The following ZFR variants were observed in gnomAD, a reference collection of about 807,000 sequenced individuals.
ZFR encodes the protein zinc finger RNA binding protein.
A neutral mutation model predicts 130.7 loss-of-function variants in ZFR; 19 were observed. That is an observed-to-expected ratio of 0.15 (90% CI 0.10 to 0.21). ZFR has a LOEUF of 0.21. Ranked by LOEUF, ZFR falls within the 10% of genes least tolerant of loss-of-function variation. The probability of loss-of-function intolerance (pLI) is 1.00; values close to 1 mark genes in which losing one functional copy is unlikely to be tolerated. For missense variants in ZFR, 872 were observed against 1,321.5 expected, an observed-to-expected ratio of 0.66 and a Z score of 5.27; for synonymous variants, 466 against 456.9, an observed-to-expected ratio of 1.02 and a Z score of -0.25.
At position 32,429,323 on chromosome 5, in the gene ZFR, T is replaced by A. The variant is rs774773842; in HGVS notation, c.138-9220A>T. ...TTTTAAGGGAGAACTGTAAGGAAAC[T>A]TTTTCCTATATCAGTCTTGCTCTGG... On this transcript the variant is annotated intron_variant, in intron 2 of 19. Coordinates refer to ENST00000265069, the MANE Select transcript of ZFR (RefSeq NM_016107.5). Among the ~76,000 whole-genome samples, 5 of 152,064 alleles carry A rather than the reference T, an allele frequency of 3.3e-5. No individual in the cohort carries two copies. In the East Asian group the frequency reaches 7.7e-4, roughly 23 times the overall value.
chr5:32,405,521 G>A (rs1438185475), intron 6 of ZFR, among the ~76,000 whole-genome samples: 5 of 152,062 alleles, frequency 3.3e-5, no homozygotes, highest in Non-Finnish European at 7.4e-5. Flanking sequence ...CATTCCACAT[G>A]CTGCTGTTAA....
intron 5 of ZFR, among the ~76,000 whole-genome samples, chr5:32,413,734 G>A (rs1393122659): frequency 2.0e-5 from 3 of 152,116 alleles, no homozygotes; most frequent in African/African-American, 7.2e-5. Flanking sequence ...ATTATAGCTA[G>A]TCAACCAAAT....
intron 15 of ZFR, among the ~76,000 whole-genome samples, chr5:32,384,221 C>T (rs1752988881): frequency 6.6e-6 from 1 of 151,368 alleles, no homozygotes; most frequent in Non-Finnish European, 1.5e-5. Context: ...TATCAAATCC[C>T]ATATGCTGTA....
chr5:32,366,323 G>T (rs1421056087), intron 17 of ZFR, among the ~76,000 whole-genome samples: 3 of 152,186 alleles, frequency 2.0e-5, no homozygotes, highest in African/African-American at 7.2e-5. Context: ...TGAGAAAAGT[G>T]AGCATTAAGT....
intron 6 of ZFR, 70 bp from the exon 7 acceptor site, chr5:32,404,167 A>G: frequency 2.2e-6 from 3 of 1,382,888 alleles, no homozygotes; most frequent in Non-Finnish European, 2.9e-6. Flanking sequence ...TTCAATTCTC[A>G]AGAAATCTCT....
chr5:32,392,477 C>T lies in ZFR; in HGVS notation c.1980-2040G>A, dbSNP rs577313127. On this transcript the variant is annotated intron_variant, in intron 11 of 19. Transcript: ENST00000265069. ...TAAAAAGGATTATTAATAATAACAA[C>T]GTAAGAAACGTCTGTACAAATCAAC... Among the ~76,000 whole-genome samples, 5 of 152,200 alleles carry T rather than the reference C, an allele frequency of 3.3e-5. No homozygotes were observed. In the East Asian group the frequency reaches 7.7e-4, roughly 23 times the overall value.
At chr5:32,439,004 A>G (rs1754401194) in intron 2 of ZFR, among the ~76,000 whole-genome samples, 2 of 152,224 alleles carry the variant, frequency 1.3e-5, no homozygotes, top group African/African-American at 4.8e-5. Context: ...TTTTGTTCAT[A>G]GTGTACTATA....
chr5:32,363,916 C>CA, intron 19 of ZFR, 32 bp downstream of exon 19: 1 of 1,573,660 alleles, frequency 6.4e-7, no homozygotes, highest in Non-Finnish European at 8.7e-7. Context: ...TGGAGTAACC[C>CA]AATAGGGCTC....
intron 17 of ZFR, 43 bp downstream of exon 17, chr5:32,379,072 A>T: frequency 1.4e-6 from 2 of 1,416,930 alleles, no homozygotes; most frequent in East Asian, 4.6e-5. Flanking sequence ...CTGCAGAATT[A>T]TTTCCTACAT....
At chr5:32,442,389 G>A (rs388381) in intron 2 of ZFR, among the ~76,000 whole-genome samples, 145,202 of 152,304 alleles carry the variant, frequency 0.95, 69,276 homozygotes, top group African/African-American at 0.98. Flanking sequence ...TATATAATTA[G>A]TCCACGTAAC....
chr5:32,437,097 G>C (rs952999043), intron 2 of ZFR, among the ~76,000 whole-genome samples: 1 of 152,182 alleles, frequency 6.6e-6, no homozygotes, highest in Non-Finnish European at 1.5e-5. Context: ...CCAGATATTT[G>C]TCTTGGCTCA....
chr5:32,378,996 A>T, intron 17 of ZFR, 119 bp downstream of exon 17: 1 of 708,136 alleles, frequency 1.4e-6, no homozygotes, highest in Non-Finnish European at 2.2e-6. Context: ...TTCATCAGAA[A>T]AGAAAAACTA....
chr5:32,415,523 C>CGCGCGTGT (rs1554073622), intron 4 of ZFR, among the ~76,000 whole-genome samples: 2 of 132,036 alleles, frequency 1.5e-5, no homozygotes, highest in South Asian at 2.5e-4. Context: ...TGTGCGCGCG[C>CGCGCGTGT]GCGCGCGCGC....
intron 17 of ZFR, among the ~76,000 whole-genome samples, chr5:32,371,647 C>T (rs899483854): frequency 1.3e-5 from 2 of 152,016 alleles, no homozygotes; most frequent in Non-Finnish European, 2.9e-5. Flanking sequence ...CTCCATCTGA[C>T]CATCTTCTAT....
chr5:32,373,751 T>C (rs1484213971), intron 17 of ZFR, among the ~76,000 whole-genome samples: 1 of 152,178 alleles, frequency 6.6e-6, no homozygotes, highest in African/African-American at 2.4e-5. Flanking sequence ...AATGTCAAAA[T>C]ACTGACATTT....
At chr5:32,357,288 CAG>C (rs1232003840) in intron 19 of ZFR, among the ~76,000 whole-genome samples, 1 of 152,184 alleles carries the variant, frequency 6.6e-6, no homozygotes, top group South Asian at 2.1e-4. Flanking sequence ...TTTTTTGAGA[CAG>C]AGTCTTGCTC....
intron 2 of ZFR, among the ~76,000 whole-genome samples, chr5:32,435,762 A>C (rs1168080706): frequency 1.3e-5 from 2 of 152,212 alleles, no homozygotes; most frequent in Non-Finnish European, 1.5e-5. Context: ...TTTTCCCAGA[A>C]ATATGAATTC....
At chr5:32,411,552 G>A (rs1466516883) in intron 5 of ZFR, among the ~76,000 whole-genome samples, 2 of 151,768 alleles carry the variant, frequency 1.3e-5, no homozygotes, top group Non-Finnish European at 2.9e-5. Flanking sequence ...AGCCAGGTAT[G>A]GTGGTACACG....
At chr5:32,409,701 T>A (rs187302006) in intron 5 of ZFR, among the ~76,000 whole-genome samples, 1 of 152,340 alleles carries the variant, frequency 6.6e-6, no homozygotes, top group Non-Finnish European at 1.5e-5. Context: ...CCACCGCACC[T>A]GCATCCGAAT....
Sources: gnomAD v4.1 joint callset for allele counts (sites outside exome capture counted in the v4.1 genomes callset) on GRCh38, gnomAD v4.1.1 for gene constraint, MANE v1.5 for transcripts, NCBI Gene and HGNC (gene_info 2026-07-23, HGNC 2026-07-21) for gene names.